The following RAI1 variants were observed in gnomAD, a reference collection of about 807,000 sequenced individuals.
RAI1 encodes retinoic acid-induced protein 1.
In RAI1, 9 loss-of-function variants were observed where a neutral mutation model predicts 123.8. The ratio of observed to expected loss-of-function variants is 0.07; its 90% CI spans 0.04 to 0.13. RAI1 has a LOEUF of 0.13. Ranked by LOEUF, RAI1 falls within the 10% of genes least tolerant of loss-of-function variation. The pLI, the probability that RAI1 is intolerant of heterozygous loss-of-function variation, is 1.00. For synonymous variants in RAI1, 1,231 were observed against 1,127.3 expected (o/e 1.09, Z -1.84); for missense variants, 2,256 against 2,545.8 (o/e 0.89, Z 2.45).
rs117150161 is a variant in RAI1, at chr17:17,793,056, C to T, written c.108C>T (p.Ala36=). Residue 36 remains alanine, a synonymous_variant, in exon 3 of 6, where the codon GCC becomes GCT. Transcript: ENST00000353383. ...AGAATTACAGGCAGCCGAGTCAGGC[C>T]GGGCTAAGCTGCGACCGGCAGCGGC... ...RLENYRQPSQ[A]GLSCDRQRLL... The T allele has an allele frequency of 6.8e-6, 11 of 1,614,158 alleles. No homozygotes were observed. The highest frequency in any genetic ancestry group is 1.3e-5 in the African/African-American group (1 of 75,056).
intron 2 of RAI1, among the ~76,000 whole-genome samples, chr17:17,775,172 AC>A (rs974902496): frequency 2.7e-5 from 4 of 148,072 alleles, no homozygotes; most frequent in Non-Finnish European, 4.5e-5. Flanking sequence ...AGGGACGCTG[AC>A]CCCCACACAG....
intron 2 of RAI1, among the ~76,000 whole-genome samples, chr17:17,741,301 G>T (rs1168974646): frequency 1.3e-5 from 2 of 152,144 alleles, no homozygotes; most frequent in African/African-American, 4.8e-5. Flanking sequence ...AAGAAAATCC[G>T]ATTCTGGAGT....
In RAI1 at chr17:17,690,884, A is replaced by C. The variant is rs558768954; in HGVS notation, c.-149+9091A>C. ...GGCTTGGGGTGGGCAGGGATGGGGA[A>C]TCAGAGCTGGCTTTCAGTCTGGTGC... On this transcript the variant is annotated intron_variant, in intron 1 of 5. Transcript: ENST00000353383. Among the ~76,000 whole-genome samples, 8 of 152,294 alleles carry C rather than the reference A, an allele frequency of 5.3e-5. No individual in the cohort carries two copies. In the South Asian group the frequency reaches 1.0e-3, roughly 20 times the overall value.
chr17:17,797,191 A>C lies in RAI1; in HGVS notation c.4243A>C (p.Ser1415Arg). 6.2e-7 allele frequency: 1 copy of C among 1,613,924 alleles called. No individual in the cohort carries two copies. The highest frequency in any genetic ancestry group is 1.3e-5 in the African/African-American group (1 of 75,060). The change falls in exon 3 of 6, where the codon AGT becomes CGT. Residue 1415 changes from serine (S) to arginine (R), a missense_variant. By Grantham distance (110) the Ser-to-Arg change is moderately radical. Transcript: ENST00000353383. Reference sequence around the variant, plus strand: ...ATCCTTAAAAGGCAAACTCATGAACAGTAAGAAACTGTCTTCTACTGACTG... The same window carrying C: ...ATCCTTAAAAGGCAAACTCATGAACCGTAAGAAACTGTCTTCTACTGACTG... ...NRSLKGKLMNSKKLSSTDCFK... is the reference protein window; with the variant it reads ...NRSLKGKLMNRKKLSSTDCFK...
At chr17:17,786,499 G>T (rs2031832126) in intron 2 of RAI1, among the ~76,000 whole-genome samples, 1 of 152,198 alleles carries the variant, frequency 6.6e-6, no homozygotes, top group African/African-American at 2.4e-5. Flanking sequence ...GGTGCAAGGG[G>T]TGCTGTTTCA....
chr17:17,704,185 C>A (rs368738614), intron 1 of RAI1, among the ~76,000 whole-genome samples: 1 of 152,312 alleles, frequency 6.6e-6, no homozygotes, highest in East Asian at 1.9e-4. Context: ...CAGAGGCTGT[C>A]CCTGGACACC....
In RAI1 at chr17:17,801,475, G is replaced by C. The variant is rs1049121142; in HGVS notation, c.5566-2281G>C. Among the ~76,000 whole-genome samples the C allele has an allele frequency of 2.6e-5, 4 of 152,178 alleles. No individual in the cohort carries two copies. The highest frequency in any genetic ancestry group is 9.7e-5 in the African/African-American group (4 of 41,432). On this transcript the variant is annotated intron_variant, in intron 3 of 5. Coordinates refer to ENST00000353383, the MANE Select transcript of RAI1 (RefSeq NM_030665.4). The surrounding 1 kb of genome is among the most constrained non-coding windows in gnomAD (Gnocchi z 4.1). ...GGGGCCTCCGTGCAGTAAGTGGAGA[G>C]AAGCCTTCAGCCAGAGGACCCCCAT...
In RAI1 at chr17:17,793,635, T is replaced by C. The variant is rs1189500471; in HGVS notation, c.687T>C (p.Gly229=). The change falls in exon 3 of 6, where the codon GGT becomes GGC. Residue 229 remains glycine, a synonymous_variant. Transcript: ENST00000353383. The stretch of plus-strand genomic sequence containing the variant: ...CCTACTCCTCCTCTGTCCAGGGTGG[T>C]GGGCAGGGGGCCCACTCCTATAAGA... ...SSTYSSSVQG[G]GQGAHSYKSC... is the part of the protein sequence containing the mutation. 3.1e-6 allele frequency: 5 copies of C among 1,613,258 alleles called. No individual in the cohort carries two copies. The highest frequency in any genetic ancestry group is 4.2e-6 in the Non-Finnish European group (5 of 1,179,976).
At position 17,795,528 on chromosome 17, in the gene RAI1, C is replaced by T; in HGVS notation, c.2580C>T (p.Ser860=). The T allele has an allele frequency of 6.3e-7, 1 of 1,599,858 alleles. No homozygotes were observed. The highest frequency in any genetic ancestry group is 8.5e-7 in the Non-Finnish European group (1 of 1,173,412). ...FGDLPLLPPT[S]RKEDLEAEEE... ...ACCTCCCACTGCTGCCACCCACCAG[C>T]AGGAAGGAGGACCTGGAAGCTGAGG... is the stretch of plus-strand genomic sequence containing the variant. Residue 860 remains serine (S), a synonymous_variant, in exon 3 of 6, where the codon AGC becomes AGT. Coordinates refer to ENST00000353383, the MANE Select transcript of RAI1 (RefSeq NM_030665.4). The surrounding 1 kb of genome is among the most constrained non-coding windows in gnomAD (Gnocchi z 5.9).
intron 2 of RAI1, among the ~76,000 whole-genome samples, chr17:17,754,160 A>T (rs1452009800): frequency 1.3e-5 from 2 of 149,820 alleles, no homozygotes; most frequent in Non-Finnish European, 3.0e-5. Flanking sequence ...GTTTTGTACA[A>T]AGGCATTTTA....
At chr17:17,718,964 C>G (rs1024860157) in intron 1 of RAI1, among the ~76,000 whole-genome samples, 1 of 152,218 alleles carries the variant, frequency 6.6e-6, no homozygotes, top group Non-Finnish European at 1.5e-5. Flanking sequence ...CAGATCCCAG[C>G]AGCCGTATCC....
Position 17,798,270 on chromosome 17 carries a change from G to T in RAI1, c.5322G>T (p.Arg1774=). The T allele has an allele frequency of 1.2e-6, 2 of 1,601,728 alleles. No homozygotes were observed. Among genetic ancestry groups the T allele is most frequent in the East Asian group, 2.2e-5 (1 of 44,474 alleles). Residue 1774 remains arginine, a synonymous_variant, in exon 3 of 6, where the codon CGG becomes CGT. Transcript: ENST00000353383. ...AKQGPLRTSA[R]GLSRRLQSCY... is the part of the protein sequence containing the mutation. Reference sequence around the variant, plus strand: ...AGGGCCCACTGCGCACCAGTGCCCGGGGCCTGTCCCGGAGGCTGCAGAGCT... The same window carrying T: ...AGGGCCCACTGCGCACCAGTGCCCGTGGCCTGTCCCGGAGGCTGCAGAGCT...
intron 2 of RAI1, among the ~76,000 whole-genome samples, chr17:17,748,721 G>A (rs73295661): frequency 8.5e-5 from 13 of 152,186 alleles, no homozygotes; most frequent in Admixed American, 5.9e-4. Flanking sequence ...CGCGTATGTC[G>A]GTGGGGCACT....
intron 2 of RAI1, among the ~76,000 whole-genome samples, chr17:17,724,625 G>A (rs1483390358): frequency 6.6e-6 from 1 of 152,082 alleles, no homozygotes; most frequent in East Asian, 1.9e-4. Context: ...TCTGCGCCCC[G>A]AAGCTGGTCG....
chr17:17,798,279 C>G lies in RAI1; in HGVS notation c.5331C>G (p.Ser1777=), dbSNP rs749361779. ...GPLRTSARGL[S]RRLQSCYCCD... is the part of the protein sequence containing the mutation. ...TGCGCACCAGTGCCCGGGGCCTGTCCCGGAGGCTGCAGAGCTGCTACTGCT... is the reference window on the plus strand; with the variant it reads ...TGCGCACCAGTGCCCGGGGCCTGTCGCGGAGGCTGCAGAGCTGCTACTGCT... The change falls in exon 3 of 6, where the codon TCC becomes TCG. Residue 1777 remains serine, a synonymous_variant. Transcript: ENST00000353383. The G allele has an allele frequency of 2.2e-5, 35 of 1,598,080 alleles. No individual in the cohort carries two copies. In the South Asian group the frequency reaches 3.8e-4, roughly 17 times the overall value.
At chr17:17,710,946 G>C (rs923710287) in intron 1 of RAI1, among the ~76,000 whole-genome samples, 5 of 152,208 alleles carry the variant, frequency 3.3e-5, no homozygotes, top group Admixed American at 6.5e-5. Context: ...GGGTGTTGAT[G>C]GGGGGCAGGT....
At chr17:17,747,497 G>A (rs986685212) in intron 2 of RAI1, among the ~76,000 whole-genome samples, 5 of 152,232 alleles carry the variant, frequency 3.3e-5, no homozygotes, top group African/African-American at 7.2e-5. Context: ...GAGGGCAACC[G>A]ACATAGGGCT....
intron 3 of RAI1, 34 bp from the exon 4 acceptor site, chr17:17,803,722 G>A: frequency 1.3e-6 from 2 of 1,591,286 alleles, no homozygotes; most frequent in South Asian, 1.1e-5. Flanking sequence ...GGCTCCAACT[G>A]GAGACTCACC....
rs1184975546 is a variant in RAI1, at chr17:17,795,021, C to G, written c.2073C>G (p.Ser691=). 2 of 1,614,004 alleles carry G rather than the reference C, an allele frequency of 1.2e-6. No individual in the cohort carries two copies. The highest frequency in any genetic ancestry group is 1.1e-5 in the South Asian group (1 of 91,094). Residue 691 remains serine, a synonymous_variant, in exon 3 of 6, where the codon TCC becomes TCG. Transcript: ENST00000353383. This position sits in a 1 kb window ranked among gnomAD's most constrained non-coding sequence, Gnocchi z 5.9. ...DFSPGLFEDP[S]VAFATPDPKK... ...GCCCAGGGCTGTTTGAAGACCCTTCCGTGGCCTTCGCTACGCCTGACCCCA... is the reference window on the plus strand; with the variant it reads ...GCCCAGGGCTGTTTGAAGACCCTTCGGTGGCCTTCGCTACGCCTGACCCCA...
Sources: gnomAD v4.1 joint callset for allele counts (sites outside exome capture counted in the v4.1 genomes callset) on GRCh38, gnomAD v4.1.1 for gene constraint, Gnocchi (gnomAD v3.1) non-coding constraint, MANE v1.5 for transcripts, NCBI Gene and HGNC (gene_info 2026-07-23, HGNC 2026-07-21) for gene names.